The following WASHC4 variants were observed in gnomAD, a reference collection of about 807,000 sequenced individuals.
WASHC4 encodes WASH complex subunit 7.
Under a neutral mutation model 166.6 loss-of-function variants are expected in WASHC4, and 86 were observed. The ratio of observed to expected loss-of-function variants is 0.52; its 90% CI spans 0.43 to 0.62. The LOEUF (loss-of-function observed/expected upper bound fraction) is 0.62, where lower values mean the gene tolerates loss of function less well. WASHC4 is among the 20% of genes least tolerant of loss of function. WASHC4 has a pLI of 0.00. For missense variants in WASHC4, 1,262 were observed against 1,382.4 expected, an observed-to-expected ratio of 0.91 and a Z score of 1.38; for synonymous variants, 446 against 451.6, an observed-to-expected ratio of 0.99 and a Z score of 0.16.
At chr12:105,112,956 C>A (rs992644329) in intron 2 of WASHC4, among the ~76,000 whole-genome samples, 2 of 152,026 alleles carry the variant, frequency 1.3e-5, no homozygotes, top group Non-Finnish European at 2.9e-5. Context: ...TATCCAATAC[C>A]CTGAACTGCC....
chr12:105,154,333 C>G (rs776182720), intron 26 of WASHC4, among the ~76,000 whole-genome samples: 1 of 151,910 alleles, frequency 6.6e-6, no homozygotes, highest in Non-Finnish European at 1.5e-5. Flanking sequence ...CCGGCCAATA[C>G]AAATTCTTTA....
intron 1 of WASHC4, among the ~76,000 whole-genome samples, chr12:105,110,212 G>C (rs1879534196): frequency 6.6e-6 from 1 of 152,146 alleles, no homozygotes; most frequent in South Asian, 2.1e-4. Flanking sequence ...TGGGGGCTAG[G>C]TCTTTATACT....
chr12:105,108,086 C>G (rs1879255690), intron 1 of WASHC4, among the ~76,000 whole-genome samples: 1 of 152,166 alleles, frequency 6.6e-6, no homozygotes, highest in Non-Finnish European at 1.5e-5. Flanking sequence ...GCGTGTGAGG[C>G]GGAGACTCTC....
chr12:105,147,530 C>A, intron 24 of WASHC4: 2 of 860,052 alleles, frequency 2.3e-6, no homozygotes, highest in Non-Finnish European at 2.9e-6. Flanking sequence ...GTTATTTATG[C>A]CCTTTTTGGG....
chr12:105,156,843 T>A, intron 27 of WASHC4, 51 bp downstream of exon 27: 1 of 1,312,758 alleles, frequency 7.6e-7, no homozygotes, highest in Non-Finnish European at 1.1e-6. Flanking sequence ...TTAAAAATTG[T>A]GTCCATTAAA....
intron 14 of WASHC4, 125 bp downstream of exon 14, chr12:105,134,021 G>A (rs1220463972): frequency 2.4e-6 from 2 of 841,588 alleles, no homozygotes; most frequent in Non-Finnish European, 3.8e-6. Flanking sequence ...ATTTGGTTAT[G>A]TTGGGATCTG....
chr12:105,146,206 G>A (rs1883279691), intron 22 of WASHC4, among the ~76,000 whole-genome samples: 1 of 152,060 alleles, frequency 6.6e-6, no homozygotes. Flanking sequence ...GTGGGTCATG[G>A]ATCTTTTAAT....
intron 7 of WASHC4, among the ~76,000 whole-genome samples, chr12:105,120,169 T>C (rs1047039556): frequency 6.6e-6 from 1 of 152,246 alleles, no homozygotes; most frequent in Non-Finnish European, 1.5e-5. Flanking sequence ...TCTAATAGTT[T>C]AGAAAGATAT....
Position 105,146,743 on chromosome 12 carries a change from G to T in WASHC4, c.2409+217G>T, listed in dbSNP as rs564604582. Among the ~76,000 whole-genome samples, 15 of 150,550 alleles carry T rather than the reference G, an allele frequency of 1.0e-4. No homozygotes were observed. The South Asian group carries it at 3.1e-3, about 31-fold the overall frequency. On this transcript the variant is annotated intron_variant, in intron 23 of 32. Coordinates refer to ENST00000332180, the MANE Select transcript of WASHC4 (RefSeq NM_015275.3). ...TGTTTTGGATTTCAGATTTTTTTTT[G>T]GATTTTGGAATATTCGTATCATATA...
In WASHC4 at chr12:105,141,193, T is replaced by C; in HGVS notation, c.1734T>C (p.Phe578=). ...AAACATTTAAAGATGAAGAACTCTT[T>C]CCACTTCAAGTAGTCATGAAAAAAC... ...QMKTFKDEEL[F]PLQVVMKKLD... is the part of the protein sequence containing the mutation. The change falls in exon 18 of 33, where the codon TTT becomes TTC. Residue 578 remains phenylalanine (F), a synonymous_variant. Coordinates refer to ENST00000332180, the MANE Select transcript of WASHC4 (RefSeq NM_015275.3). The C allele has an allele frequency of 6.2e-7, 1 of 1,613,666 alleles. No homozygotes were observed.
At chr12:105,121,435 A>G (rs1313295874) in intron 9 of WASHC4, among the ~76,000 whole-genome samples, 1 of 152,186 alleles carries the variant, frequency 6.6e-6, no homozygotes, top group Non-Finnish European at 1.5e-5. Context: ...TTCTTATAGT[A>G]GTAGAAAGTT....
intron 2 of WASHC4, 103 bp downstream of exon 2, chr12:105,111,367 T>C (rs186069955): frequency 2.5e-6 from 2 of 788,058 alleles, no homozygotes; most frequent in Non-Finnish European, 3.9e-6. Context: ...ATTTGAAATC[T>C]AAGAACAAAA....
chr12:105,124,583 T>G (rs923037122), intron 10 of WASHC4, among the ~76,000 whole-genome samples: 41 of 150,932 alleles, frequency 2.7e-4, no homozygotes, highest in African/African-American at 9.5e-4. Context: ...TGGGTTCAAA[T>G]GATTCTCCTG....
In WASHC4 at chr12:105,137,873, T is replaced by A. The variant is rs777443601; in HGVS notation, c.1327-13T>A. The A allele has an allele frequency of 1.1e-5, 18 of 1,595,608 alleles. No homozygotes were observed. The East Asian group carries it at 3.8e-4, about 34-fold the overall frequency. ...TCTTTCCTTGTGATTATAATCAATG[T>A]TTTCCTTTACAGGGCTTCTTGTATG... is the stretch of plus-strand genomic sequence containing the variant. On this transcript the variant is annotated splice_polypyrimidine_tract_variant and intron_variant, in intron 14 of 32. Coordinates refer to ENST00000332180, the MANE Select transcript of WASHC4 (RefSeq NM_015275.3).
intron 26 of WASHC4, 140 bp downstream of exon 26, chr12:105,152,591 C>A (rs964586638): frequency 7.5e-6 from 5 of 664,482 alleles, no homozygotes; most frequent in Non-Finnish European, 1.4e-5. Flanking sequence ...TTTTTACCCC[C>A]AAAATTTGTA....
intron 5 of WASHC4, 83 bp downstream of exon 5, chr12:105,115,312 A>G (rs1357780881): frequency 2.3e-6 from 2 of 862,408 alleles, no homozygotes; most frequent in East Asian, 2.4e-5. Flanking sequence ...GACTACTATG[A>G]TTATATAATA....
chr12:105,153,174 A>T (rs1215869838), intron 26 of WASHC4, among the ~76,000 whole-genome samples: 1 of 152,192 alleles, frequency 6.6e-6, no homozygotes, highest in Non-Finnish European at 1.5e-5. Context: ...GTTTATATTA[A>T]CACCAAACAG....
chr12:105,147,346 A>G (rs1883380957), intron 24 of WASHC4, 200 bp downstream of exon 24: 1 of 571,680 alleles, frequency 1.7e-6, no homozygotes, highest in East Asian at 3.1e-5. Context: ...TACAAAAGAC[A>G]CTTTAGGGTA....
At chr12:105,164,856 G>A in intron 32 of WASHC4, 116 bp downstream of exon 32, 1 of 709,686 alleles carries the variant, frequency 1.4e-6, no homozygotes, top group African/African-American at 1.8e-5. Context: ...AAATAACACA[G>A]ACCTAGCATT....
Sources: gnomAD v4.1 joint callset for allele counts (sites outside exome capture counted in the v4.1 genomes callset) on GRCh38, gnomAD v4.1.1 for gene constraint, MANE v1.5 for transcripts, NCBI Gene and HGNC (gene_info 2026-07-23, HGNC 2026-07-21) for gene names.